The following DNM2 variants were observed in gnomAD, a reference collection of about 807,000 sequenced individuals.
DNM2 encodes the protein dynamin-2.
A neutral mutation model predicts 99.0 loss-of-function variants in DNM2; 15 were observed. The ratio of observed to expected loss-of-function variants is 0.15; its 90% CI spans 0.10 to 0.23. DNM2 has a LOEUF of 0.23. DNM2 is among the 10% of genes least tolerant of loss of function. The pLI, the probability that DNM2 is intolerant of heterozygous loss-of-function variation, is 1.00. For synonymous variants in DNM2, 525 were observed against 481.2 expected, an observed-to-expected ratio of 1.09 and a Z score of -1.19; for missense variants, 742 against 1,189.4, an observed-to-expected ratio of 0.62 and a Z score of 5.53.
chr19:10,767,188 T>C (rs2070826283), intron 2 of DNM2, among the ~76,000 whole-genome samples: 1 of 150,856 alleles, frequency 6.6e-6, no homozygotes, highest in African/African-American at 2.4e-5. Flanking sequence ...TGTTAAGGCC[T>C]CTGGCTGATT....
chr19:10,729,507 G>A (rs1163593532), intron 1 of DNM2, among the ~76,000 whole-genome samples: 1 of 152,130 alleles, frequency 6.6e-6, no homozygotes, highest in Non-Finnish European at 1.5e-5. Context: ...AGGACTTGGG[G>A]GAACAGCATC....
intron 7 of DNM2, among the ~76,000 whole-genome samples, chr19:10,790,949 G>A (rs1201393202): frequency 6.6e-6 from 1 of 151,954 alleles, no homozygotes; most frequent in Non-Finnish European, 1.5e-5. Flanking sequence ...TTGTATTTTT[G>A]TAGAGACAAG....
At chr19:10,738,428 G>A (rs1287061406) in intron 1 of DNM2, among the ~76,000 whole-genome samples, 1 of 149,110 alleles carries the variant, frequency 6.7e-6, no homozygotes, top group African/African-American at 2.5e-5. Context: ...ACCAGCCTGG[G>A]CAATATAGTG....
At chr19:10,739,445 A>G (rs1019128199) in intron 1 of DNM2, among the ~76,000 whole-genome samples, 3 of 152,190 alleles carry the variant, frequency 2.0e-5, no homozygotes, top group Non-Finnish European at 2.9e-5. Flanking sequence ...CCTGGAAGCC[A>G]CTAATGTCCT....
intron 1 of DNM2, among the ~76,000 whole-genome samples, chr19:10,756,727 TC>T (rs1252168123): frequency 1.3e-5 from 2 of 151,836 alleles, no homozygotes; most frequent in Non-Finnish European, 2.9e-5. Context: ...TGTAGGGCGC[TC>T]CCCTCTGTCT....
At chr19:10,739,861 CAAAAAA>C (rs59755624) in intron 1 of DNM2, among the ~76,000 whole-genome samples, 2 of 32,644 alleles carry the variant, frequency 6.1e-5, no homozygotes, top group East Asian at 1.3e-3. Flanking sequence ...CTCTCTCTCT[CAAAAAA>C]AAAAAAAAAA....
At chr19:10,745,212 G>A (rs527819695) in intron 1 of DNM2, among the ~76,000 whole-genome samples, 2 of 152,248 alleles carry the variant, frequency 1.3e-5, no homozygotes, top group South Asian at 4.1e-4. Flanking sequence ...CTTGACCTTC[G>A]GCACTGCAGC....
chr19:10,826,787 C>T (rs890785586), intron 18 of DNM2, among the ~76,000 whole-genome samples: 3 of 151,732 alleles, frequency 2.0e-5, no homozygotes, highest in Admixed American at 6.6e-5. Flanking sequence ...CTCAGAAGAC[C>T]GAGGTAAGAG....
intron 16 of DNM2, chr19:10,823,216 C>T (rs1599627121): frequency 6.6e-6 from 1 of 151,674 alleles, no homozygotes. Flanking sequence ...ACCAGCCTGA[C>T]CAACATGGAG....
intron 2 of DNM2, among the ~76,000 whole-genome samples, chr19:10,770,527 T>G (rs182479703): frequency 3.0e-4 from 45 of 152,244 alleles, no homozygotes; most frequent in Middle Eastern, 3.4e-3. Context: ...ATCCTCCCAC[T>G]TCAGCCGATA....
chr19:10,776,043 C>T, intron 4 of DNM2, 137 bp downstream of exon 4: 1 of 1,131,948 alleles, frequency 8.8e-7, no homozygotes, highest in Non-Finnish European at 1.3e-6. Flanking sequence ...GAACATGGCA[C>T]TTCCTCCGAG....
At chr19:10,824,572 A>G (rs2073082444) in intron 17 of DNM2, 2 of 210,976 alleles carry the variant, frequency 9.5e-6, no homozygotes, top group Non-Finnish European at 1.9e-5. Context: ...TTGGGAGGCA[A>G]TGTGGGCAGA....
chr19:10,802,317 C>G lies in DNM2; in HGVS notation c.1452C>G (p.Ser484=). The G allele has an allele frequency of 6.2e-7, 1 of 1,614,134 alleles. No individual in the cohort carries two copies. Among genetic ancestry groups the G allele is most frequent in the Non-Finnish European group, 8.5e-7 (1 of 1,180,020 alleles). Residue 484 remains serine (S), a synonymous_variant, in exon 12 of 21, where the codon TCC becomes TCG. Transcript: ENST00000389253. ...TTCTGCTGATCGACATTGAGCAGTCCTACATCAACACGAACCATGAGGACT... is the reference window on the plus strand; with the variant it reads ...TTCTGCTGATCGACATTGAGCAGTCGTACATCAACACGAACCATGAGGACT... ...QILLLIDIEQ[S]YINTNHEDFI...
At chr19:10,800,151 C>T (rs1259218576) in intron 11 of DNM2, among the ~76,000 whole-genome samples, 2 of 152,202 alleles carry the variant, frequency 1.3e-5, no homozygotes, top group Non-Finnish European at 2.9e-5. Flanking sequence ...GCCACTGCTC[C>T]CAGATCTGTT....
intron 1 of DNM2, among the ~76,000 whole-genome samples, chr19:10,724,536 C>T (rs80117023): frequency 0.042 from 6,353 of 152,178 alleles, 438 homozygotes; most frequent in East Asian, 0.32. Context: ...TTGAAGGAGG[C>T]GAGGAAGGAA....
At chr19:10,826,349 G>T (rs2073143887) in intron 18 of DNM2, among the ~76,000 whole-genome samples, 2 of 152,208 alleles carry the variant, frequency 1.3e-5, no homozygotes, top group South Asian at 4.1e-4. Flanking sequence ...CGTTTACCCT[G>T]GTTGCAACCA....
intron 5 of DNM2, among the ~76,000 whole-genome samples, chr19:10,779,146 T>G (rs1408345356): frequency 1.4e-5 from 2 of 145,564 alleles, no homozygotes; most frequent in Admixed American, 7.1e-5. Context: ...ACCCAGGAGG[T>G]GGAGGTTGCA....
At chr19:10,731,421 C>T (rs1457217815) in intron 1 of DNM2, among the ~76,000 whole-genome samples, 2 of 150,560 alleles carry the variant, frequency 1.3e-5, no homozygotes, top group Non-Finnish European at 3.0e-5. Context: ...TGCATGATCT[C>T]AGCTCACTGC....
intron 18 of DNM2, 52 bp downstream of exon 18, chr19:10,825,273 G>A (rs758451171): frequency 1.6e-5 from 25 of 1,604,382 alleles, no homozygotes; most frequent in Admixed American, 1.7e-5. Flanking sequence ...GGTGGCTCAC[G>A]CCTGTAATCC....
Sources: allele counts gnomAD v4.1 joint callset (sites outside exome capture counted in the v4.1 genomes callset), GRCh38; gene constraint gnomAD v4.1.1; transcripts MANE v1.5; gene names NCBI Gene and HGNC (gene_info 2026-07-23, HGNC 2026-07-21).